TRIM44: variants seen among roughly 807,000 people sequenced by gnomAD.
The protein encoded by TRIM44 is tripartite motif containing 44, also known as tripartite motif-containing protein 44.
In TRIM44, 13 loss-of-function variants were observed where a neutral mutation model predicts 37.4. The observed-to-expected ratio is 0.35, with a 90% CI of 0.23 to 0.55. The LOEUF is 0.55. Among genes scored for constraint, TRIM44 ranks in the 20% least tolerant of loss-of-function variants. TRIM44 has a pLI of 0.89. For missense variants in TRIM44, 426 were observed against 437.2 expected (o/e 0.97, Z 0.23); for synonymous variants, 175 against 157.2 (o/e 1.11, Z -0.85).
At chr11:35,792,134 C>T (rs1853224334) in intron 4 of TRIM44, among the ~76,000 whole-genome samples, 1 of 150,158 alleles carries the variant, frequency 6.7e-6, no homozygotes, top group Non-Finnish European at 1.5e-5. Flanking sequence ...ATTCTCTATT[C>T]CAGCATCCTG....
In TRIM44 at chr11:35,717,578, G is replaced by A. The variant is rs1852053018; in HGVS notation, c.748-8346G>A. ...AAAACTCTGGTGTCCTGTTCAGCCAGCTCTGCGTGCATTAAACTCTTTCTC... is the reference window on the plus strand; with the variant it reads ...AAAACTCTGGTGTCCTGTTCAGCCAACTCTGCGTGCATTAAACTCTTTCTC... On this transcript the variant is annotated intron_variant, in intron 2 of 4. Transcript: ENST00000299413. 2.0e-5 allele frequency among the ~76,000 whole-genome samples: 3 copies of A among 152,104 alleles called. No homozygotes were observed. The South Asian group carries it at 6.2e-4, about 32-fold the overall frequency.
chr11:35,762,109 C>CTGAGCCAG (rs1457217481), intron 4 of TRIM44, among the ~76,000 whole-genome samples: 1 of 152,200 alleles, frequency 6.6e-6, no homozygotes, highest in African/African-American at 2.4e-5. Context: ...AGTGGACTGT[C>CTGAGCCAG]TGAGCCAGTG....
In TRIM44 at chr11:35,774,453, G is replaced by T. The variant is rs1461644681; in HGVS notation, c.1008-31905G>T. 7.9e-5 allele frequency among the ~76,000 whole-genome samples: 12 copies of T among 152,192 alleles called. No homozygotes were observed. The East Asian group carries it at 2.3e-3, about 29-fold the overall frequency. On this transcript the variant is annotated intron_variant, in intron 4 of 4. Coordinates refer to ENST00000299413, the MANE Select transcript of TRIM44 (RefSeq NM_017583.6). Reference sequence around the variant, plus strand: ...CTCTGATGGTAGTTTCTTTTGCTGTGCAGAAGCTCTTTAGTTTAGTTAGAT... The same window carrying T: ...CTCTGATGGTAGTTTCTTTTGCTGTTCAGAAGCTCTTTAGTTTAGTTAGAT...
intron 1 of TRIM44, among the ~76,000 whole-genome samples, chr11:35,681,185 G>C (rs1684535811): frequency 6.6e-6 from 1 of 152,200 alleles, no homozygotes; most frequent in African/African-American, 2.4e-5. Flanking sequence ...TGAAATGCCA[G>C]TGAAAGAGTA....
intron 4 of TRIM44, among the ~76,000 whole-genome samples, chr11:35,804,035 C>CT (rs1179698139): frequency 6.6e-6 from 1 of 150,960 alleles, no homozygotes; most frequent in Non-Finnish European, 1.5e-5. Context: ...GCCTGTATCT[C>CT]ACCTACTAGG....
At chr11:35,779,803 T>C (rs1330280742) in intron 4 of TRIM44, among the ~76,000 whole-genome samples, 11 of 152,078 alleles carry the variant, frequency 7.2e-5, no homozygotes, top group Admixed American at 1.3e-4. Flanking sequence ...TCCAATTTCA[T>C]TCTTCTGTAT....
At chr11:35,707,097 C>G (rs1375743803) in intron 2 of TRIM44, among the ~76,000 whole-genome samples, 1 of 152,176 alleles carries the variant, frequency 6.6e-6, no homozygotes, top group African/African-American at 2.4e-5. Flanking sequence ...ACAAAAATCA[C>G]ACGCATTCTT....
In TRIM44 at chr11:35,809,943, T is replaced by G. The variant is rs189363225; in HGVS notation, c.*3558T>G. 10 of 152,310 alleles carry G rather than the reference T, an allele frequency of 6.6e-5. No homozygotes were observed. Among genetic ancestry groups the G allele is most frequent in the African/African-American group, 2.4e-4 (10 of 41,576 alleles). The allele number at this position is 152,310 out of a possible 1,614,324, so 9.4% of individuals were successfully genotyped here. ...ACTCAAAGCAGCCCCTTCATTATCT[T>G]GCGTACTACTTCAAAGATTTCTGTC... is the stretch of plus-strand genomic sequence containing the variant. On this transcript the variant is annotated 3_prime_UTR_variant, in exon 5 of 5. Transcript: ENST00000299413.
At chr11:35,777,548 C>A (rs908001912) in intron 4 of TRIM44, among the ~76,000 whole-genome samples, 1 of 152,144 alleles carries the variant, frequency 6.6e-6, no homozygotes, top group Admixed American at 6.5e-5. Context: ...TTCCTAGCAT[C>A]GATGGTCTTT....
intron 2 of TRIM44, among the ~76,000 whole-genome samples, chr11:35,692,963 A>AT (rs1167428715): frequency 6.6e-6 from 1 of 152,102 alleles, no homozygotes; most frequent in East Asian, 1.9e-4. Flanking sequence ...GCCGAATTAA[A>AT]TTTTAGGGAC....
intron 1 of TRIM44, among the ~76,000 whole-genome samples, chr11:35,679,237 T>C (rs1424217798): frequency 1.3e-5 from 2 of 152,234 alleles, no homozygotes; most frequent in African/African-American, 4.8e-5. Context: ...CTGACTTCCA[T>C]GAAAGTGCAG....
intron 4 of TRIM44, among the ~76,000 whole-genome samples, chr11:35,775,154 G>T (rs1453964217): frequency 6.6e-6 from 1 of 152,142 alleles, no homozygotes; most frequent in African/African-American, 2.4e-5. Flanking sequence ...TTGAGCAGTG[G>T]TTTGTAGTTC....
intron 4 of TRIM44, among the ~76,000 whole-genome samples, chr11:35,746,650 G>A (rs1457378693): frequency 1.3e-5 from 2 of 151,978 alleles, no homozygotes; most frequent in African/African-American, 4.8e-5. Flanking sequence ...CTGTAGGGAG[G>A]TGGCTTCAGA....
intron 1 of TRIM44, among the ~76,000 whole-genome samples, chr11:35,678,590 T>TCCCTCTC (rs1564944860): frequency 6.6e-6 from 1 of 151,864 alleles, no homozygotes; most frequent in Admixed American, 6.6e-5. Context: ...TCCTCTCCCC[T>TCCCTCTC]CCCTCTCCCC....
chr11:35,760,648 T>C (rs955351283), intron 4 of TRIM44, among the ~76,000 whole-genome samples: 11 of 152,200 alleles, frequency 7.2e-5, no homozygotes, highest in African/African-American at 2.7e-4. Flanking sequence ...ACTTCCTATG[T>C]TTTTTAAATT....
intron 4 of TRIM44, among the ~76,000 whole-genome samples, chr11:35,773,932 A>G (rs912695481): frequency 2.6e-5 from 4 of 152,212 alleles, no homozygotes; most frequent in African/African-American, 9.6e-5. Flanking sequence ...CAATAAACAT[A>G]TGCGTGCATG....
chr11:35,757,376 A>G (rs1442212535), intron 4 of TRIM44, among the ~76,000 whole-genome samples: 6 of 151,934 alleles, frequency 3.9e-5, no homozygotes, highest in African/African-American at 1.2e-4. Context: ...TATTGCGTCT[A>G]TTTGATTCTT....
intron 1 of TRIM44, among the ~76,000 whole-genome samples, chr11:35,678,584 C>A (rs943907225): frequency 2.6e-5 from 4 of 151,958 alleles, no homozygotes; most frequent in African/African-American, 9.7e-5. Flanking sequence ...AGGACTTCCT[C>A]TCCCCTCCCT....
At chr11:35,663,864 G>C in intron 1 of TRIM44, 84 bp downstream of exon 1, 21 of 1,460,584 alleles carry the variant, frequency 1.4e-5, no homozygotes, top group Non-Finnish European at 1.9e-5. Flanking sequence ...GACCACATTC[G>C]CTTTCACTGT....
Sources: allele counts gnomAD v4.1 joint callset (sites outside exome capture counted in the v4.1 genomes callset), GRCh38; gene constraint gnomAD v4.1.1; transcripts MANE v1.5; gene names NCBI Gene and HGNC (gene_info 2026-07-23, HGNC 2026-07-21).